The following GPC6 variants were observed in gnomAD, a reference collection of about 807,000 sequenced individuals.
GPC6 encodes the protein glypican 6.
A neutral mutation model predicts 55.2 loss-of-function variants in GPC6; 14 were observed. The ratio of observed to expected loss-of-function variants is 0.25; its 90% CI spans 0.17 to 0.40. The LOEUF is 0.40. Ranked by LOEUF, GPC6 falls within the 10% of genes least tolerant of loss-of-function variation. The pLI, the probability that GPC6 is intolerant of heterozygous loss-of-function variation, is 1.00. For missense variants in GPC6, 641 were observed against 708.5 expected (o/e 0.90, Z 1.08); for synonymous variants, 278 against 259.6 (o/e 1.07, Z -0.68).
chr13:93,264,773 ATAT>A (rs1479431295), intron 1 of GPC6, among the ~76,000 whole-genome samples: 2 of 152,028 alleles, frequency 1.3e-5, no homozygotes, highest in Non-Finnish European at 2.9e-5. Flanking sequence ...AATAGTTGTT[ATAT>A]TATATTTTAA....
chr13:93,929,750 AC>A (rs1052914163), intron 3 of GPC6, among the ~76,000 whole-genome samples: 6 of 152,188 alleles, frequency 3.9e-5, no homozygotes, highest in South Asian at 4.1e-4. Context: ...GTAAAAAAAA[AC>A]AGATTAAATT....
intron 1 of GPC6, among the ~76,000 whole-genome samples, chr13:93,465,653 C>T (rs1023660970): frequency 1.3e-5 from 2 of 152,060 alleles, no homozygotes; most frequent in Non-Finnish European, 2.9e-5. Flanking sequence ...ACTAATAGTT[C>T]CTCCATATCA....
At chr13:94,320,362 G>A (rs903485802) in intron 6 of GPC6, among the ~76,000 whole-genome samples, 4 of 151,960 alleles carry the variant, frequency 2.6e-5, no homozygotes, top group African/African-American at 9.7e-5. Context: ...GAGTTTGCTG[G>A]TCTCATCTGG....
intron 8 of GPC6, among the ~76,000 whole-genome samples, chr13:94,401,661 CGGGT>C (rs1340305555): frequency 6.6e-6 from 1 of 152,070 alleles, no homozygotes; most frequent in African/African-American, 2.4e-5. Context: ...TGTATGTGAA[CGGGT>C]AGTTGGATTC....
At chr13:93,513,898 T>G (rs1881080153) in intron 1 of GPC6, among the ~76,000 whole-genome samples, 1 of 113,454 alleles carries the variant, frequency 8.8e-6, no homozygotes, top group African/African-American at 3.6e-5. Flanking sequence ...TTTTTTTCGG[T>G]GTTTCACTCT....
At chr13:93,865,024 G>A (rs1216925097) in intron 3 of GPC6, among the ~76,000 whole-genome samples, 1 of 151,658 alleles carries the variant, frequency 6.6e-6, no homozygotes, top group Non-Finnish European at 1.5e-5. Context: ...AAAGAGCTTA[G>A]GACATTAAGT....
At chr13:93,867,014 TAGCAGAAAACACCTC>T (rs1194422168) in intron 3 of GPC6, among the ~76,000 whole-genome samples, 1 of 151,766 alleles carries the variant, frequency 6.6e-6, no homozygotes, top group East Asian at 2.0e-4. Flanking sequence ...AAGTTTAGCC[TAGCAGAAAACACCTC>T]AGTGCTTGTC....
At chr13:93,703,053 C>T (rs1882726198) in intron 2 of GPC6, among the ~76,000 whole-genome samples, 3 of 151,934 alleles carry the variant, frequency 2.0e-5, no homozygotes, top group Non-Finnish European at 4.4e-5. Flanking sequence ...TTTGGCTTAT[C>T]TCAGCTTTTG....
intron 6 of GPC6, among the ~76,000 whole-genome samples, chr13:94,348,274 A>T (rs1488245503): frequency 6.6e-6 from 1 of 152,154 alleles, no homozygotes; most frequent in African/African-American, 2.4e-5. Context: ...TTTGCCATTC[A>T]CCTGTCCCCA....
chr13:93,825,737 ACTC>A (rs1208890641), intron 2 of GPC6, among the ~76,000 whole-genome samples: 3 of 151,320 alleles, frequency 2.0e-5, no homozygotes, highest in Non-Finnish European at 4.4e-5. Flanking sequence ...GAGAAAGACT[ACTC>A]CTCATTTCAC....
chr13:93,521,717 A>G (rs1035745315), intron 1 of GPC6, among the ~76,000 whole-genome samples: 7 of 151,988 alleles, frequency 4.6e-5, no homozygotes, highest in African/African-American at 1.7e-4. Flanking sequence ...GTGGCAAGGC[A>G]TCATTTCTTG....
At chr13:93,336,316 A>G (rs2139143431) in intron 1 of GPC6, among the ~76,000 whole-genome samples, 1 of 152,324 alleles carries the variant, frequency 6.6e-6, no homozygotes, top group African/African-American at 2.4e-5. Flanking sequence ...CCACCTGCAG[A>G]TGTTTCTCTT....
chr13:93,662,044 T>C (rs897575160), intron 2 of GPC6, among the ~76,000 whole-genome samples: 1 of 152,106 alleles, frequency 6.6e-6, no homozygotes, highest in Non-Finnish European at 1.5e-5. Context: ...AAGACAACCT[T>C]GTATATTCTC....
chr13:93,865,903 A>G (rs149091847), intron 3 of GPC6, among the ~76,000 whole-genome samples: 13 of 151,788 alleles, frequency 8.6e-5, no homozygotes, highest in East Asian at 5.9e-4. Flanking sequence ...TTTTAGGTCA[A>G]TTTAGATGGG....
rs2139477034 is a variant in GPC6, at chr13:93,572,888, C to T, written c.319+27467C>T. Among the ~76,000 whole-genome samples, 2 of 152,092 alleles carry T rather than the reference C, an allele frequency of 1.3e-5. 1 individual carries two copies. The highest frequency in any genetic ancestry group is 4.1e-4 in the South Asian group (2 of 4,824). On this transcript the variant is annotated intron_variant, in intron 2 of 8. Transcript: ENST00000377047. Reference sequence around the variant, plus strand: ...GTATCTCATGACTATAGAAGAAGAACTAAATTGGCATAGAACTTCATAAAA... The same window carrying T: ...GTATCTCATGACTATAGAAGAAGAATTAAATTGGCATAGAACTTCATAAAA...
intron 1 of GPC6, among the ~76,000 whole-genome samples, chr13:93,270,038 T>C (rs1176572759): frequency 6.6e-6 from 1 of 151,790 alleles, no homozygotes; most frequent in Non-Finnish European, 1.5e-5. Flanking sequence ...GAGGATTGCT[T>C]GAGCTCAGGA....
At chr13:94,193,678 T>C (rs914306717) in intron 4 of GPC6, among the ~76,000 whole-genome samples, 4 of 152,184 alleles carry the variant, frequency 2.6e-5, no homozygotes, top group African/African-American at 9.7e-5. Flanking sequence ...TGTTACCCAG[T>C]GGGCTAGCCC....
At chr13:93,490,452 TA>T (rs1282707079) in intron 1 of GPC6, among the ~76,000 whole-genome samples, 1 of 136,664 alleles carries the variant, frequency 7.3e-6, no homozygotes, top group Non-Finnish European at 1.6e-5. Context: ...GGTCCACTAT[TA>T]TTATTTCTTT....
At chr13:93,369,982 C>A (rs1881393571) in intron 1 of GPC6, among the ~76,000 whole-genome samples, 1 of 152,084 alleles carries the variant, frequency 6.6e-6, no homozygotes, top group African/African-American at 2.4e-5. Flanking sequence ...AGACATCCCC[C>A]CAAAGCAGCA....
Sources: allele counts gnomAD v4.1 joint callset (sites outside exome capture counted in the v4.1 genomes callset), GRCh38; gene constraint gnomAD v4.1.1; transcripts MANE v1.5; gene names NCBI Gene and HGNC (gene_info 2026-07-23, HGNC 2026-07-21).